DIXDC1: variants seen among roughly 807,000 people sequenced by gnomAD.
The protein encoded by DIXDC1 is DIX domain containing 1, also known as dixin.
In DIXDC1, 64 loss-of-function variants were observed where a neutral mutation model predicts 103.1. The observed-to-expected ratio is 0.62, with a 90% CI of 0.51 to 0.76. DIXDC1 has a LOEUF of 0.76. Among genes scored for constraint, DIXDC1 ranks in the 30% least tolerant of loss-of-function variants. The pLI, the probability that DIXDC1 is intolerant of heterozygous loss-of-function variation, is 0.00. For synonymous variants in DIXDC1, 266 were observed against 298.5 expected (o/e 0.89, Z 1.12); for missense variants, 759 against 834.2 (o/e 0.91, Z 1.11).
At position 111,976,472 on chromosome 11, in the gene DIXDC1, C is replaced by T. The variant is rs1860098315; in HGVS notation, c.656+1489C>T. Among the ~76,000 whole-genome samples, 1 of 152,148 alleles carries T rather than the reference C, an allele frequency of 6.6e-6. No homozygotes were observed. Among genetic ancestry groups the T allele is most frequent in the Non-Finnish European group, 1.5e-5 (1 of 68,024 alleles). On this transcript the variant is annotated intron_variant, in intron 5 of 19. Transcript: ENST00000440460. The surrounding 1 kb of genome is among the most constrained non-coding windows in gnomAD (Gnocchi z 4.3). ...TTTCACTACTGGATTTTGACATTTT[C>T]TTCTAATGCTGACCCCTCATCCAGC...
intron 17 of DIXDC1, among the ~76,000 whole-genome samples, chr11:111,996,480 T>G (rs1860903663): frequency 6.6e-6 from 1 of 152,146 alleles, no homozygotes; most frequent in Non-Finnish European, 1.5e-5. Flanking sequence ...TTTTCTACAC[T>G]CCCAAACAGC....
chr11:111,990,236 G>A (rs1214702558), intron 10 of DIXDC1, among the ~76,000 whole-genome samples: 1 of 151,930 alleles, frequency 6.6e-6, no homozygotes, highest in Non-Finnish European at 1.5e-5. Flanking sequence ...GATTACAGGT[G>A]CGCACCATCA....
rs1432639408 is a variant in DIXDC1 at position 112,020,588 on chromosome 11, A to G, written c.*1552A>G. 2.0e-5 allele frequency: 3 copies of G among 152,214 alleles called. No homozygotes were observed. Among genetic ancestry groups the G allele is most frequent in the Admixed American group, 2.0e-4 (3 of 15,282 alleles). The allele number at this position is 152,214 out of a possible 1,614,324, so 9.4% of individuals were successfully genotyped here. On this transcript the variant is annotated 3_prime_UTR_variant, in exon 20 of 20. Coordinates refer to ENST00000440460, the MANE Select transcript of DIXDC1 (RefSeq NM_001037954.4). ...TCTGTATACTGTATCCATTTTCTAG[A>G]GAACCCAGTAGCTTTTATACAGTCT...
Position 111,958,447 on chromosome 11 carries a change from G to T in DIXDC1, c.61-6102G>T, listed in dbSNP as rs1379052509. Among the ~76,000 whole-genome samples the T allele has an allele frequency of 6.6e-6, 1 of 152,228 alleles. No individual in the cohort carries two copies. Among genetic ancestry groups the T allele is most frequent in the East Asian group, 1.9e-4 (1 of 5,190 alleles). On this transcript the variant is annotated intron_variant, in intron 1 of 19. Coordinates refer to ENST00000440460, the MANE Select transcript of DIXDC1 (RefSeq NM_001037954.4). The surrounding 1 kb of genome is among the most constrained non-coding windows in gnomAD (Gnocchi z 4.2). ...TGGAGCAAAGTTGAGGCCAAGCCCG[G>T]GCACTGCCACAACCTGGCTGGGTGT...
intron 5 of DIXDC1, chr11:111,975,371 T>A: frequency 9.4e-7 from 1 of 1,060,908 alleles, no homozygotes; most frequent in South Asian, 3.4e-5. Context: ...GCCGGAAAAG[T>A]CTGTGTAAAG....
intron 1 of DIXDC1, among the ~76,000 whole-genome samples, chr11:111,952,751 C>T (rs782731319): frequency 3.5e-5 from 5 of 144,738 alleles, no homozygotes; most frequent in East Asian, 2.0e-4. Flanking sequence ...ACCCAGGAGG[C>T]GGTGGTTGCA....
Position 111,975,483 on chromosome 11 carries a change from A to C in DIXDC1, c.656+500A>C, listed in dbSNP as rs888755726. The C allele has an allele frequency of 1.0e-5, 10 of 994,300 alleles. No individual in the cohort carries two copies. In the Admixed American group the frequency reaches 2.2e-4, roughly 22 times the overall value. The allele number at this position is 994,300 out of a possible 1,614,324, so 61.6% of individuals were successfully genotyped here. A position where few individuals can be genotyped will look rare whatever the true frequency, so the allele number is the denominator to read the frequency against. Reference sequence around the variant, plus strand: ...GGCTGATTAGTATGTGTTTGAGCAAACTAATGATGTTTGCGACTCTAGCTA... The same window carrying C: ...GGCTGATTAGTATGTGTTTGAGCAACCTAATGATGTTTGCGACTCTAGCTA... On this transcript the variant is annotated intron_variant, in intron 5 of 19. Transcript: ENST00000440460.
intron 1 of DIXDC1, among the ~76,000 whole-genome samples, chr11:111,952,681 G>A (rs1158061314): frequency 2.0e-5 from 3 of 152,036 alleles, no homozygotes; most frequent in Non-Finnish European, 2.9e-5. Flanking sequence ...TTAGCCGGCT[G>A]TGGTGGTGCG....
rs973650269 is a variant in DIXDC1 at position 111,999,042 on chromosome 11, C to A, written c.1756+2896C>A. ...TGTTAATGTCACTGAATCTTAGTTT[C>A]CTTTTTTATGGAACCAAAGTAATAT... On this transcript the variant is annotated intron_variant, in intron 17 of 19. Coordinates refer to ENST00000440460, the MANE Select transcript of DIXDC1 (RefSeq NM_001037954.4). Among the ~76,000 whole-genome samples the A allele has an allele frequency of 8.5e-5, 13 of 152,238 alleles. 1 individual carries two copies. The East Asian group carries it at 2.5e-3, about 29-fold the overall frequency.
chr11:111,948,339 T>C (rs868941731), intron 1 of DIXDC1, among the ~76,000 whole-genome samples: 1 of 152,216 alleles, frequency 6.6e-6, no homozygotes, highest in Non-Finnish European at 1.5e-5. Flanking sequence ...TTCCTTCCTG[T>C]CCTCTACCTT....
intron 10 of DIXDC1, among the ~76,000 whole-genome samples, chr11:111,990,069 T>C (rs7943207): frequency 0.083 from 12,399 of 149,026 alleles, 1,516 homozygotes; most frequent in African/African-American, 0.27. Context: ...GGATTACAGG[T>C]GTGAGCCACC....
chr11:111,945,233 G>T (rs1488263390), intron 1 of DIXDC1, among the ~76,000 whole-genome samples: 1 of 152,140 alleles, frequency 6.6e-6, no homozygotes, highest in Non-Finnish European at 1.5e-5. Context: ...TCCTTCTCAG[G>T]TGGGCAGCAT....
chr11:111,964,712 A>G, intron 2 of DIXDC1, 34 bp downstream of exon 2: 4 of 1,545,560 alleles, frequency 2.6e-6, no homozygotes, highest in Non-Finnish European at 2.6e-6. Flanking sequence ...ACTAGAGTAC[A>G]TAGATCAGAA....
Position 112,002,690 on chromosome 11 carries a change from C to T in DIXDC1, c.1756+6544C>T, listed in dbSNP as rs587638080. Among the ~76,000 whole-genome samples, 737 of 152,088 alleles carry T rather than the reference C, an allele frequency of 4.8e-3. 4 individuals carry two copies. The highest frequency in any genetic ancestry group is 7.6e-3 in the Non-Finnish European group (520 of 67,980). On this transcript the variant is annotated intron_variant, in intron 17 of 19. Transcript: ENST00000440460. ...GTAGTCCCAGCTATTCAGGGGGCTG[C>T]GGTGGAAGGACAGCTTTAGCCTGGG...
intron 3 of DIXDC1, among the ~76,000 whole-genome samples, chr11:111,972,679 C>T (rs1859975030): frequency 6.6e-6 from 1 of 152,236 alleles, no homozygotes; most frequent in Non-Finnish European, 1.5e-5. Flanking sequence ...TGCTGAACTT[C>T]TTTCACTTCC....
At chr11:112,009,348 A>G (rs1326297812) in intron 17 of DIXDC1, among the ~76,000 whole-genome samples, 1 of 150,028 alleles carries the variant, frequency 6.7e-6, no homozygotes, top group South Asian at 2.1e-4. Flanking sequence ...CCAGGACCAG[A>G]TGGATTTACA....
At chr11:111,967,373 A>G (rs1859772770) in intron 2 of DIXDC1, among the ~76,000 whole-genome samples, 1 of 152,202 alleles carries the variant, frequency 6.6e-6, no homozygotes, top group Non-Finnish European at 1.5e-5. Flanking sequence ...GAACAGTTAG[A>G]AGGTGTCCTT....
Position 111,937,444 on chromosome 11 carries a change from AGGC to A in DIXDC1, c.-46_-44del. ...CTTTGTGTGCAGAGGGAGGAGGAGG[AGGC>A]GGCGGCGGCCGCCGGGCTGGAGACC... On this transcript the variant is annotated 5_prime_UTR_variant, in exon 1 of 20. Coordinates refer to ENST00000440460, the MANE Select transcript of DIXDC1 (RefSeq NM_001037954.4). The A allele has an allele frequency of 1.3e-6, 2 of 1,548,892 alleles. No homozygotes were observed. The highest frequency in any genetic ancestry group is 1.7e-6 in the Non-Finnish European group (2 of 1,146,554).
chr11:111,940,148 C>T (rs1555168657), intron 1 of DIXDC1, among the ~76,000 whole-genome samples: 1 of 152,240 alleles, frequency 6.6e-6, no homozygotes, highest in African/African-American at 2.4e-5. Context: ...CCTGGCTTCC[C>T]TCTACCCACT....
Sources: allele counts gnomAD v4.1 joint callset (sites outside exome capture counted in the v4.1 genomes callset), GRCh38; gene constraint gnomAD v4.1.1; non-coding constraint Gnocchi (gnomAD v3.1); transcripts MANE v1.5; gene names NCBI Gene and HGNC (gene_info 2026-07-23, HGNC 2026-07-21).